ASB3: variants seen among roughly 807,000 people sequenced by gnomAD.
ASB3 encodes ankyrin repeat and SOCS box containing 3.
ASB3 carries 41 observed loss-of-function variants against 54.5 expected under a neutral mutation model. The observed-to-expected ratio is 0.75, with a 90% confidence interval of 0.59 to 0.98. The LOEUF is 0.98. Ranked by LOEUF, ASB3 falls within the 50% of genes least tolerant of loss-of-function variation. The probability of loss-of-function intolerance (pLI) is 0.00; values close to 1 mark genes in which losing one functional copy is unlikely to be tolerated. For missense variants in ASB3, 733 were observed against 620.0 expected (o/e 1.18, Z -1.94); for synonymous variants, 266 against 221.2 (o/e 1.20, Z -1.80).
intron 1 of ASB3, among the ~76,000 whole-genome samples, chr2:53,781,910 C>A (rs569304410): frequency 6.6e-6 from 1 of 152,292 alleles, no homozygotes; most frequent in African/African-American, 2.4e-5. Flanking sequence ...CAACAGTATG[C>A]CTTGCCCAAT....
chr2:53,670,437 T>C lies in ASB3; in HGVS notation c.*66A>G, dbSNP rs1667751226. 8 of 1,536,934 alleles carry C rather than the reference T, an allele frequency of 5.2e-6. No individual in the cohort carries two copies. Among genetic ancestry groups the C allele is most frequent in the Middle Eastern group, 2.3e-4 (1 of 4,308 alleles). ...TATAAAATCATAAAAACTTGTACTC[T>C]GTGGCTCTTTTGTCTCGATGATTTT... On this transcript the variant is annotated 3_prime_UTR_variant, in exon 10 of 10. Transcript: ENST00000263634.
chr2:53,751,012 C>A, intron 2 of ASB3, 71 bp from the exon 3 acceptor site: 2 of 1,393,574 alleles, frequency 1.4e-6, no homozygotes. Context: ...AGCAAAGATT[C>A]CAAGAGGAAT....
chr2:53,724,507 G>A (rs753264824), intron 5 of ASB3, among the ~76,000 whole-genome samples: 7 of 151,970 alleles, frequency 4.6e-5, no homozygotes, highest in Non-Finnish European at 7.4e-5. Context: ...GCTGAGGCAG[G>A]AGAATCACTT....
At chr2:53,713,061 G>A (rs558520253) in intron 7 of ASB3, among the ~76,000 whole-genome samples, 4 of 152,254 alleles carry the variant, frequency 2.6e-5, no homozygotes, top group East Asian at 3.9e-4. Context: ...TTAAGAGGCC[G>A]GATGGGGTGG....
At chr2:53,745,160 T>C (rs1253326805) in intron 3 of ASB3, among the ~76,000 whole-genome samples, 2 of 152,182 alleles carry the variant, frequency 1.3e-5, no homozygotes, top group Non-Finnish European at 1.5e-5. Flanking sequence ...AACAAGAATA[T>C]CTTTATTTCC....
chr2:53,751,958 A>C (rs1441046613), intron 2 of ASB3, among the ~76,000 whole-genome samples: 1 of 152,224 alleles, frequency 6.6e-6, no homozygotes, highest in Non-Finnish European at 1.5e-5. Context: ...TCTTATTCAA[A>C]GTAGTTTATT....
intron 2 of ASB3, among the ~76,000 whole-genome samples, chr2:53,761,354 G>A: frequency 6.6e-6 from 1 of 152,130 alleles, no homozygotes; most frequent in East Asian, 1.9e-4. Flanking sequence ...TTCGAGCAGG[G>A]AGCAGCAACC....
At chr2:53,772,431 C>T (rs1235902263) in intron 1 of ASB3, among the ~76,000 whole-genome samples, 2 of 152,114 alleles carry the variant, frequency 1.3e-5, no homozygotes, top group Non-Finnish European at 2.9e-5. Context: ...GCCTTGGCCT[C>T]CCAAAGTGCT....
intron 1 of ASB3, chr2:53,767,906 G>A (rs753706923): frequency 1.2e-5 from 20 of 1,612,814 alleles, no homozygotes; most frequent in Non-Finnish European, 1.4e-5. Flanking sequence ...TTTGGTTACG[G>A]GTCCCTGATC....
At chr2:53,728,033 G>C (rs939677491) in intron 5 of ASB3, among the ~76,000 whole-genome samples, 1 of 151,984 alleles carries the variant, frequency 6.6e-6, no homozygotes, top group African/African-American at 2.4e-5. Flanking sequence ...GCCAAAAAAA[G>C]CCTAGGTATT....
chr2:53,720,824 A>G (rs981156968), intron 5 of ASB3, among the ~76,000 whole-genome samples: 5 of 152,274 alleles, frequency 3.3e-5, no homozygotes, highest in Non-Finnish European at 5.9e-5. Flanking sequence ...GACAGACCAC[A>G]TGCTCGGCCA....
Position 53,785,827 on chromosome 2 carries a change from G to C in ASB3, c.-14+994C>G, listed in dbSNP as rs926744738. On this transcript the variant is annotated intron_variant, in intron 1 of 9. Coordinates refer to ENST00000263634, the MANE Select transcript of ASB3 (RefSeq NM_016115.5). ...TCTGCACTCCAGCCTGGGTGACAGA[G>C]CGAGACTTTGTCTCAAAACAAACAA... Among the ~76,000 whole-genome samples the C allele has an allele frequency of 1.5e-4, 23 of 152,346 alleles. 1 individual carries two copies. Among genetic ancestry groups the C allele is most frequent in the Admixed American group, 1.1e-3 (17 of 15,308 alleles).
At chr2:53,742,281 C>T (rs1256681150) in intron 3 of ASB3, among the ~76,000 whole-genome samples, 2 of 152,126 alleles carry the variant, frequency 1.3e-5, no homozygotes, top group Non-Finnish European at 2.9e-5. Flanking sequence ...ATGGAATGTG[C>T]CTCTACCTCC....
intron 8 of ASB3, among the ~76,000 whole-genome samples, chr2:53,694,964 A>G (rs1204835973): frequency 2.0e-5 from 3 of 152,158 alleles, no homozygotes; most frequent in Non-Finnish European, 4.4e-5. Context: ...TCAAACCTTT[A>G]AAAGAACTCT....
intron 7 of ASB3, among the ~76,000 whole-genome samples, chr2:53,710,464 C>A (rs945303364): frequency 2.6e-5 from 4 of 152,170 alleles, no homozygotes; most frequent in Non-Finnish European, 4.4e-5. Context: ...TTTCTAATAT[C>A]TGGACCATCT....
At chr2:53,685,412 C>G (rs1171084704) in intron 9 of ASB3, among the ~76,000 whole-genome samples, 2 of 152,190 alleles carry the variant, frequency 1.3e-5, no homozygotes, top group African/African-American at 4.8e-5. Context: ...ACAATTAAAG[C>G]AGCTGCGCAG....
intron 1 of ASB3, among the ~76,000 whole-genome samples, chr2:53,778,449 A>T (rs1270245624): frequency 6.6e-6 from 1 of 152,280 alleles, no homozygotes; most frequent in East Asian, 1.9e-4. Flanking sequence ...TAGCAAGTAT[A>T]AAGTACATTA....
rs1054954203 is a variant in ASB3 at position 53,714,406 on chromosome 2, C to G, written c.958G>C (p.Val320Leu). Residue 320 changes from valine (V) to leucine (L), a missense_variant, in exon 7 of 10, where the codon GTG becomes CTG. Coordinates refer to ENST00000263634, the MANE Select transcript of ASB3 (RefSeq NM_016115.5). ...ACLVFGFSSP[V>L]CMAFQKDCEF... The stretch of plus-strand genomic sequence containing the variant: ...TACTCCTTTTGGAAAGCCATGCACA[C>G]AGGAGAACTGAATCCAAAAACAAGG... 2 of 1,614,198 alleles carry G rather than the reference C, an allele frequency of 1.2e-6. No homozygotes were observed. Among genetic ancestry groups the G allele is most frequent in the East Asian group, 2.2e-5 (1 of 44,886 alleles).
At chr2:53,743,073 G>C (rs925093801) in intron 3 of ASB3, among the ~76,000 whole-genome samples, 1 of 151,850 alleles carries the variant, frequency 6.6e-6, no homozygotes, top group African/African-American at 2.4e-5. Flanking sequence ...AAGTTCTCAA[G>C]GAAAGGGATG....
Sources: gnomAD v4.1 joint callset for allele counts (sites outside exome capture counted in the v4.1 genomes callset) on GRCh38, gnomAD v4.1.1 for gene constraint, MANE v1.5 for transcripts, NCBI Gene and HGNC (gene_info 2026-07-23, HGNC 2026-07-21) for gene names.